PTCHD4: variants seen among roughly 807,000 people sequenced by gnomAD.
PTCHD4 encodes patched domain-containing protein 4.
PTCHD4 carries 33 observed loss-of-function variants against 58.1 expected under a neutral mutation model. That is an observed-to-expected ratio of 0.57 (90% CI 0.43 to 0.76). The LOEUF (loss-of-function observed/expected upper bound fraction) is 0.76. PTCHD4 is among the 30% of genes least tolerant of loss of function. The pLI, the probability that PTCHD4 is intolerant of heterozygous loss-of-function variation, is 0.00. For missense variants in PTCHD4, 1,058 were observed against 1,027.1 expected, an observed-to-expected ratio of 1.03 and a Z score of -0.41; for synonymous variants, 478 against 409.6, an observed-to-expected ratio of 1.17 and a Z score of -2.02.
chr6:47,874,029 A>G lies in PTCHD4; in HGVS notation c.*4274T>C, dbSNP rs191845685. On this transcript the variant is annotated 3_prime_UTR_variant, in exon 5 of 5. Transcript: ENST00000339488. ...GCCGAGCAAATCATTGACTTCTCCA[A>G]TCTCTAAGAGACAATATCTAAATGT... Among the ~76,000 whole-genome samples the G allele has an allele frequency of 1.6e-3, 243 of 151,840 alleles. No individual in the cohort carries two copies. Among genetic ancestry groups the G allele is most frequent in the African/African-American group, 5.3e-3 (220 of 41,480 alleles).
intron 4 of PTCHD4, among the ~76,000 whole-genome samples, chr6:47,906,696 C>T (rs143223143): frequency 2.1e-4 from 32 of 152,292 alleles, no homozygotes; most frequent in Admixed American, 6.5e-4. Flanking sequence ...TATATCTTGA[C>T]ATAATATCAG....
In PTCHD4 at chr6:47,858,512, A is replaced by G. The variant is rs886619773; in HGVS notation, c.*19791T>C. Among the ~76,000 whole-genome samples the G allele has an allele frequency of 6.6e-6, 1 of 152,080 alleles. No homozygotes were observed. Among genetic ancestry groups the G allele is most frequent in the African/African-American group, 2.4e-5 (1 of 41,446 alleles). Reference sequence around the variant, plus strand: ...ATGATACTTTCAGAAGACTTTGCACATGCTGAAACCTATGTGGTATAATTA... The same window carrying G: ...ATGATACTTTCAGAAGACTTTGCACGTGCTGAAACCTATGTGGTATAATTA... On this transcript the variant is annotated 3_prime_UTR_variant, in exon 5 of 5. Coordinates refer to ENST00000339488, the MANE Select transcript of PTCHD4 (RefSeq NM_001384253.1).
At chr6:47,950,408 T>C (rs183817596) in intron 4 of PTCHD4, among the ~76,000 whole-genome samples, 64 of 152,082 alleles carry the variant, frequency 4.2e-4, no homozygotes, top group African/African-American at 1.5e-3. Flanking sequence ...AGGAACAGTG[T>C]AGGTAGGAAG....
intron 1 of PTCHD4, among the ~76,000 whole-genome samples, chr6:48,092,023 A>T (rs943863082): frequency 1.1e-4 from 16 of 151,318 alleles, no homozygotes; most frequent in Non-Finnish European, 2.2e-4. Context: ...ACACACATAC[A>T]CACACACAAT....
At chr6:48,076,835 G>C (rs1056504865) in intron 1 of PTCHD4, among the ~76,000 whole-genome samples, 1 of 152,198 alleles carries the variant, frequency 6.6e-6, no homozygotes, top group Non-Finnish European at 1.5e-5. Context: ...AGCAAGATTT[G>C]CTACAGCTCT....
At chr6:48,049,622 A>AT (rs775648653) in intron 3 of PTCHD4, among the ~76,000 whole-genome samples, 40 of 151,986 alleles carry the variant, frequency 2.6e-4, no homozygotes, top group Admixed American at 1.8e-3. Flanking sequence ...TTGGGGAAAG[A>AT]TAAAGGTGAT....
At chr6:48,061,773 C>T (rs1279052242) in intron 3 of PTCHD4, among the ~76,000 whole-genome samples, 7 of 152,202 alleles carry the variant, frequency 4.6e-5, no homozygotes, top group Non-Finnish European at 1.0e-4. Flanking sequence ...TGCCTAAATA[C>T]TTCTGCATGC....
In PTCHD4 at chr6:47,869,217, C is replaced by G. The variant is rs529064928; in HGVS notation, c.*9086G>C. 3.5e-3 allele frequency among the ~76,000 whole-genome samples: 538 copies of G among 151,760 alleles called. 2 individuals are homozygous for G. The highest frequency in any genetic ancestry group is 6.2e-3 in the Non-Finnish European group (421 of 67,750). On this transcript the variant is annotated 3_prime_UTR_variant, in exon 5 of 5. Coordinates refer to ENST00000339488, the MANE Select transcript of PTCHD4 (RefSeq NM_001384253.1). ...TATTTAACATGATTGGTTTTAGTGA[C>G]TTAGAAGTGGTGCTGATAGCCCCTG...
chr6:47,876,614 T>C lies in PTCHD4; in HGVS notation c.*1689A>G, dbSNP rs1460549893. On this transcript the variant is annotated 3_prime_UTR_variant, in exon 5 of 5. Coordinates refer to ENST00000339488, the MANE Select transcript of PTCHD4 (RefSeq NM_001384253.1). Reference sequence around the variant, plus strand: ...TTTGTTATTTTAGGTATTATTAATTTGATTAAAACATAGAACCAAAGTTGA... The same window carrying C: ...TTTGTTATTTTAGGTATTATTAATTCGATTAAAACATAGAACCAAAGTTGA... Among the ~76,000 whole-genome samples, 2 of 152,048 alleles carry C rather than the reference T, an allele frequency of 1.3e-5. No homozygotes were observed. Among genetic ancestry groups the C allele is most frequent in the Middle Eastern group, 3.2e-3 (1 of 316 alleles).
intron 4 of PTCHD4, among the ~76,000 whole-genome samples, chr6:47,993,728 G>GGGCAGGACTTCAGATCC (rs1768367145): frequency 6.6e-6 from 1 of 152,070 alleles, no homozygotes; most frequent in Non-Finnish European, 1.5e-5. Flanking sequence ...ATGGACCTTA[G>GGGCAGGACTTCAGATCC]GGCAGGACTT....
chr6:47,966,872 T>A (rs1179332553), intron 4 of PTCHD4, among the ~76,000 whole-genome samples: 1 of 152,194 alleles, frequency 6.6e-6, no homozygotes. Flanking sequence ...CTAGAGTTAT[T>A]TCCACCACAT....
chr6:48,023,434 T>A (rs1403570495), intron 3 of PTCHD4, among the ~76,000 whole-genome samples: 2 of 152,196 alleles, frequency 1.3e-5, no homozygotes, highest in Non-Finnish European at 2.9e-5. Context: ...TCATCACTTG[T>A]GAGTCTGGTA....
intron 3 of PTCHD4, among the ~76,000 whole-genome samples, chr6:48,032,412 C>G (rs1362781601): frequency 6.6e-6 from 1 of 151,972 alleles, no homozygotes; most frequent in Non-Finnish European, 1.5e-5. Flanking sequence ...CTCTCCCTCT[C>G]TCTGTGTATG....
intron 3 of PTCHD4, among the ~76,000 whole-genome samples, chr6:48,038,231 C>T (rs1310818841): frequency 6.6e-6 from 1 of 151,966 alleles, no homozygotes; most frequent in Non-Finnish European, 1.5e-5. Flanking sequence ...ACCCACTGTT[C>T]TAAGAGAAAG....
intron 1 of PTCHD4, among the ~76,000 whole-genome samples, chr6:48,104,393 G>C (rs1162648070): frequency 1.3e-5 from 2 of 152,146 alleles, no homozygotes; most frequent in Non-Finnish European, 2.9e-5. Context: ...TTACAGACAA[G>C]CAAATGCTGA....
chr6:47,885,895 T>C (rs1053661209), intron 4 of PTCHD4, among the ~76,000 whole-genome samples: 1 of 152,014 alleles, frequency 6.6e-6, no homozygotes, highest in Non-Finnish European at 1.5e-5. Flanking sequence ...CTCAGCTCCC[T>C]GCTACCTCTG....
chr6:47,858,483 A>T lies in PTCHD4; in HGVS notation c.*19820T>A. ...TTATCACATCTCCCAAACAACTATC[A>T]TTTATGATACTTTCAGAAGACTTTG... On this transcript the variant is annotated 3_prime_UTR_variant, in exon 5 of 5. Coordinates refer to ENST00000339488, the MANE Select transcript of PTCHD4 (RefSeq NM_001384253.1). Among the ~76,000 whole-genome samples, 1 of 152,066 alleles carries T rather than the reference A, an allele frequency of 6.6e-6. No individual in the cohort carries two copies. The highest frequency in any genetic ancestry group is 1.9e-4 in the East Asian group (1 of 5,166).
At chr6:47,989,972 G>A (rs988856561) in intron 4 of PTCHD4, among the ~76,000 whole-genome samples, 1 of 152,152 alleles carries the variant, frequency 6.6e-6, no homozygotes, top group Non-Finnish European at 1.5e-5. Flanking sequence ...CCAGGAGGGG[G>A]ACTCTACCCT....
At chr6:47,908,179 C>A (rs1348394829) in intron 4 of PTCHD4, among the ~76,000 whole-genome samples, 2 of 152,080 alleles carry the variant, frequency 1.3e-5, no homozygotes, top group Non-Finnish European at 2.9e-5. Context: ...AAAGGCAGAC[C>A]AGAACCTCCA....
Sources: allele counts gnomAD v4.1 joint callset (sites outside exome capture counted in the v4.1 genomes callset), GRCh38; gene constraint gnomAD v4.1.1; transcripts MANE v1.5; gene names NCBI Gene and HGNC (gene_info 2026-07-23, HGNC 2026-07-21).